The following GOLGB1 variants were observed in gnomAD, a reference collection of about 807,000 sequenced individuals.
GOLGB1 encodes golgin subfamily B member 1.
Under a neutral mutation model 336.9 loss-of-function variants are expected in GOLGB1, and 174 were observed. The ratio of observed to expected loss-of-function variants is 0.52; its 90% CI spans 0.46 to 0.59. The LOEUF is 0.59. GOLGB1 is among the 20% of genes least tolerant of loss of function. The pLI is 0.00. For synonymous variants in GOLGB1, 1,208 were observed against 1,289.2 expected (o/e 0.94, Z 1.35); for missense variants, 3,331 against 3,645.3 (o/e 0.91, Z 2.22).
chr3:121,745,476 A>G (rs1470067035), intron 1 of GOLGB1, among the ~76,000 whole-genome samples: 1 of 144,366 alleles, frequency 6.9e-6, no homozygotes. Context: ...ACATATGTAC[A>G]CGTGTATGTA....
intron 17 of GOLGB1, among the ~76,000 whole-genome samples, chr3:121,671,424 C>T (rs964490427): frequency 1.3e-5 from 2 of 152,146 alleles, no homozygotes; most frequent in Non-Finnish European, 2.9e-5. Context: ...TACCAAAATT[C>T]GAGGACGCTC....
At chr3:121,733,906 G>A (rs1334458445) in intron 1 of GOLGB1, among the ~76,000 whole-genome samples, 2 of 152,066 alleles carry the variant, frequency 1.3e-5, no homozygotes, top group Non-Finnish European at 2.9e-5. Flanking sequence ...ATCTCAAAAT[G>A]GATCAGAGAC....
At chr3:121,679,518 A>G (rs1267806618) in intron 15 of GOLGB1, among the ~76,000 whole-genome samples, 1 of 152,166 alleles carries the variant, frequency 6.6e-6, no homozygotes, top group Non-Finnish European at 1.5e-5. Flanking sequence ...TACCAAGTTT[A>G]CTCAGTCTTG....
At chr3:121,725,196 A>G (rs1945488438) in intron 5 of GOLGB1, among the ~76,000 whole-genome samples, 1 of 152,088 alleles carries the variant, frequency 6.6e-6, no homozygotes, top group Non-Finnish European at 1.5e-5. Context: ...ACGGTGTGGG[A>G]CTACCACTGC....
Position 121,677,300 on chromosome 3 carries a change from C to T in GOLGB1, c.9024G>A (p.Val3008=). 1 of 1,609,724 alleles carries T rather than the reference C, an allele frequency of 6.2e-7. No individual in the cohort carries two copies. The highest frequency in any genetic ancestry group is 1.1e-5 in the South Asian group (1 of 90,668). ...AATTACTCACCTGTCTTTGGTATTGCACTTTGAGAGGCTGAGTCTGGGAGG... is the reference window on the plus strand; with the variant it reads ...AATTACTCACCTGTCTTTGGTATTGTACTTTGAGAGGCTGAGTCTGGGAGG... ...SSSSQTQPLK[V]QYQRQASPET... The change falls in exon 16 of 22, where the codon GTG becomes GTA. Residue 3008 remains valine (V), a synonymous_variant. Coordinates refer to ENST00000614479, the MANE Select transcript of GOLGB1 (RefSeq NM_001366282.2).
chr3:121,677,211 A>T, intron 16 of GOLGB1, 74 bp downstream of exon 16: 1 of 1,343,992 alleles, frequency 7.4e-7, no homozygotes, highest in Admixed American at 2.1e-5. Flanking sequence ...TTAAAAAAAA[A>T]ACAAAACCCT....
chr3:121,670,764 G>A (rs991984235), intron 17 of GOLGB1, among the ~76,000 whole-genome samples: 2 of 148,432 alleles, frequency 1.3e-5, no homozygotes, highest in Non-Finnish European at 3.0e-5. Flanking sequence ...TTGGGGGGGG[G>A]GGTGTGGGAG....
chr3:121,683,053 AT>A (rs746649684), intron 14 of GOLGB1, among the ~76,000 whole-genome samples: 1,385 of 82,432 alleles, frequency 0.017, 2 homozygotes, highest in Non-Finnish European at 0.027. Flanking sequence ...ATTTCTTTTA[AT>A]TTTTTTTTTT....
At chr3:121,727,551 A>G (rs995479492) in intron 4 of GOLGB1, among the ~76,000 whole-genome samples, 1 of 151,510 alleles carries the variant, frequency 6.6e-6, no homozygotes, top group Admixed American at 6.6e-5. Flanking sequence ...TTAATAGAAA[A>G]CCCGAAGTCT....
Position 121,688,842 on chromosome 3 carries a change from C to T in GOLGB1, c.8694+1828G>A, listed in dbSNP as rs543617329. Among the ~76,000 whole-genome samples, 19 of 152,124 alleles carry T rather than the reference C, an allele frequency of 1.2e-4. No individual in the cohort carries two copies. The East Asian group carries it at 1.4e-3, about 11-fold the overall frequency. On this transcript the variant is annotated intron_variant, in intron 14 of 21. Coordinates refer to ENST00000614479, the MANE Select transcript of GOLGB1 (RefSeq NM_001366282.2). ...GAGCGCCTCTGCCCGGCCGCGACCC[C>T]GTCTGGGAGGTGAGGAGCATCTCTG...
At chr3:121,749,356 C>G (rs1295030280) in intron 1 of GOLGB1, among the ~76,000 whole-genome samples, 4 of 152,162 alleles carry the variant, frequency 2.6e-5, no homozygotes, top group African/African-American at 9.7e-5. Flanking sequence ...AGAGGAGAAA[C>G]GTACCGGGGA....
intron 14 of GOLGB1, among the ~76,000 whole-genome samples, chr3:121,687,585 C>A (rs1941884420): frequency 6.6e-6 from 1 of 152,094 alleles, no homozygotes; most frequent in South Asian, 2.1e-4. Flanking sequence ...CAGTTATGAG[C>A]ATTTGGGAAC....
At position 121,698,466 on chromosome 3, in the gene GOLGB1, C is replaced by A. The variant is rs1560245107; in HGVS notation, c.2057G>T (p.Cys686Phe). The change falls in exon 13 of 22, where the codon TGT (cysteine) becomes TTT (phenylalanine). Residue 686 changes from cysteine (C) to phenylalanine (F), a missense_variant. Cys to Phe is a radical substitution (Grantham distance 205, BLOSUM62 -2). Coordinates refer to ENST00000614479, the MANE Select transcript of GOLGB1 (RefSeq NM_001366282.2). Reference sequence around the variant, plus strand: ...TAACCTTTCCAACTCATCCTGATGACACTGACCAATATCTGGTACAGCAGA... The same window carrying A: ...TAACCTTTCCAACTCATCCTGATGAAACTGACCAATATCTGGTACAGCAGA... The part of the protein sequence containing the change: ...SLSAVPDIGQ[C>F]HQDELERLKS... The A allele has an allele frequency of 6.2e-6, 10 of 1,613,754 alleles. No homozygotes were observed. Among genetic ancestry groups the A allele is most frequent in the South Asian group, 2.2e-5 (2 of 91,078 alleles).
intron 1 of GOLGB1, among the ~76,000 whole-genome samples, chr3:121,742,651 CA>C (rs1194915375): frequency 6.6e-6 from 1 of 152,074 alleles, no homozygotes; most frequent in Non-Finnish European, 1.5e-5. Context: ...TTCTGCACAG[CA>C]AAAGAAACTA....
intron 14 of GOLGB1, among the ~76,000 whole-genome samples, chr3:121,689,091 C>CCGCCCCGT (rs2107754858): frequency 6.6e-6 from 1 of 151,950 alleles, no homozygotes; most frequent in Non-Finnish European, 1.5e-5. Context: ...GCCCGGCCAG[C>CCGCCCCGT]CGCCCCGTCC....
At chr3:121,681,616 C>T in intron 15 of GOLGB1, 71 bp downstream of exon 15, 3 of 1,135,740 alleles carry the variant, frequency 2.6e-6, no homozygotes, top group Non-Finnish European at 3.8e-6. Flanking sequence ...ACTATTTTCC[C>T]AAATCTACAA....
At chr3:121,716,677 A>G in intron 9 of GOLGB1, 60 bp downstream of exon 9, 6 of 1,321,254 alleles carry the variant, frequency 4.5e-6, no homozygotes, top group Non-Finnish European at 6.3e-6. Context: ...CCCTGAAAAT[A>G]TGAAATACAA....
Position 121,694,797 on chromosome 3 carries a change from T to C in GOLGB1, c.5726A>G (p.Glu1909Gly). The C allele has an allele frequency of 1.2e-6, 2 of 1,613,490 alleles. No individual in the cohort carries two copies. The highest frequency in any genetic ancestry group is 1.7e-5 in the Admixed American group (1 of 60,024). ...MNLLNQQIQEELSRVTKLKET... is the reference protein window; with the variant it reads ...MNLLNQQIQEGLSRVTKLKET... ...CTTTAGTTTGGTAACTCTGGAGAGT[T>C]CTTCTTGGATTTGCTGATTTAACAG... The change falls in exon 13 of 22, where the codon GAA becomes GGA. Residue 1909 changes from glutamate to glycine, a missense_variant. Physicochemically the swap from Glu to Gly is moderately conservative, Grantham distance 98. Coordinates refer to ENST00000614479, the MANE Select transcript of GOLGB1 (RefSeq NM_001366282.2).
chr3:121,664,885 C>A, intron 21 of GOLGB1, 41 bp downstream of exon 21: 1 of 1,211,878 alleles, frequency 8.3e-7, no homozygotes, highest in South Asian at 1.2e-5. Context: ...CCAGCCCTGT[C>A]AGATAATAAA....
Sources: gnomAD v4.1 joint callset for allele counts (sites outside exome capture counted in the v4.1 genomes callset) on GRCh38, gnomAD v4.1.1 for gene constraint, MANE v1.5 for transcripts, NCBI Gene and HGNC (gene_info 2026-07-23, HGNC 2026-07-21) for gene names.